The following MGAM2 variants were observed in gnomAD, a reference collection of about 807,000 sequenced individuals.
MGAM2 encodes maltase-glucoamylase 2 (putative), also known as probable maltase-glucoamylase 2.
In MGAM2, 98 loss-of-function variants were observed where a neutral mutation model predicts 96.1. That is an observed-to-expected ratio of 1.02 (90% CI 0.87 to 1.21). The LOEUF (loss-of-function observed/expected upper bound fraction) is 1.21. MGAM2 is among the 50% of genes most tolerant of loss of function. The probability of loss-of-function intolerance (pLI) is 0.00; values close to 1 mark genes in which losing one functional copy is unlikely to be tolerated. For missense variants in MGAM2, 2,055 were observed against 1,182.4 expected (o/e 1.74, Z -10.82); for synonymous variants, 749 against 414.8 (o/e 1.81, Z -9.79).
intron 40 of MGAM2, 117 bp from the exon 41 acceptor site, chr7:142,197,283 G>A: frequency 1.6e-6 from 1 of 619,450 alleles, no homozygotes; most frequent in Non-Finnish European, 2.9e-6. Flanking sequence ...GGCCAGGAAT[G>A]AAAGGGTAAG....
intron 15 of MGAM2, among the ~76,000 whole-genome samples, chr7:142,150,800 G>T (rs972555052): frequency 6.6e-6 from 1 of 152,030 alleles, no homozygotes; most frequent in African/African-American, 2.4e-5. Context: ...AACCTATAAG[G>T]TACTTTATAA....
At chr7:142,198,378 C>T (rs920579377) in intron 43 of MGAM2, among the ~76,000 whole-genome samples, 183 bp downstream of exon 43, 2 of 152,164 alleles carry the variant, frequency 1.3e-5, no homozygotes, top group East Asian at 1.9e-4. Context: ...ACCTACATCT[C>T]ATTGAAGCTC....
At chr7:142,212,190 C>T (rs183357122) in intron 46 of MGAM2, among the ~76,000 whole-genome samples, 1 of 152,296 alleles carries the variant, frequency 6.6e-6, no homozygotes, top group Admixed American at 6.5e-5. Flanking sequence ...CTTACAAGAG[C>T]TCCTGAAGGA....
At chr7:142,191,820 A>C in intron 37 of MGAM2, among the ~76,000 whole-genome samples, 1 of 152,158 alleles carries the variant, frequency 6.6e-6, no homozygotes, top group Non-Finnish European at 1.5e-5. Flanking sequence ...TACCATGTTA[A>C]CAATATTAAG....
intron 18 of MGAM2, 53 bp downstream of exon 18, chr7:142,158,144 T>C (rs1795790940): frequency 1.4e-6 from 1 of 699,962 alleles, no homozygotes; most frequent in Non-Finnish European, 2.6e-6. Context: ...TTCACTTGAC[T>C]TTGTTTGTGG....
Position 142,220,140 on chromosome 7 carries a change from G to C in MGAM2, c.5629G>C (p.Val1877Leu). The C allele has an allele frequency of 1.4e-6, 1 of 702,676 alleles. No individual in the cohort carries two copies. 43.5% of individuals were successfully genotyped at this position (702,676 alleles called of 1,614,324 possible). ...TACTAGTGTTACAACTAATACTACT[G>C]TTCCTGATACAACTTCTCCTTTCCC... ...STTSVTTNTTVPDTTSPFPTS... is the reference protein window; with the variant it reads ...STTSVTTNTTLPDTTSPFPTS... Residue 1877 changes from valine to leucine, a missense_variant, in exon 48 of 48, where the codon GTT becomes CTT. Transcript: ENST00000477922.
In MGAM2 at chr7:142,220,981, A is replaced by G; in HGVS notation, c.6470A>G (p.Asn2157Ser). ...TNTTNASTSTNVANITATSHT... is the reference protein window; with the variant it reads ...TNTTNASTSTSVANITATSHT... ...ACTACTAATGCTAGCACTAGTACTA[A>G]TGTTGCTAATATAACTGCTACCTCT... The change falls in exon 48 of 48, where the codon AAT becomes AGT. Residue 2157 changes from asparagine (N) to serine (S), a missense_variant. By Grantham distance (46) the Asn-to-Ser change is conservative. Transcript: ENST00000477922. The G allele has an allele frequency of 1.4e-6, 1 of 702,132 alleles. No homozygotes were observed. Among genetic ancestry groups the G allele is most frequent in the Non-Finnish European group, 2.6e-6 (1 of 384,706 alleles). The allele number at this position is 702,132 out of a possible 1,614,324, so 43.5% of individuals were successfully genotyped here. A position where few individuals can be genotyped will look rare whatever the true frequency, so the allele number is the denominator to read the frequency against.
chr7:142,152,343 A>G (rs1418793362), intron 15 of MGAM2, among the ~76,000 whole-genome samples: 2 of 152,228 alleles, frequency 1.3e-5, no homozygotes, highest in African/African-American at 4.8e-5. Flanking sequence ...ACCTGCAGCC[A>G]GTGGTAATAA....
At chr7:142,180,580 T>G (rs959496157) in intron 32 of MGAM2, among the ~76,000 whole-genome samples, 1 of 152,206 alleles carries the variant, frequency 6.6e-6, no homozygotes, top group African/African-American at 2.4e-5. Context: ...CATGTTGAAC[T>G]CTCTAGCAAG....
rs201509372 is a variant in MGAM2 at position 142,140,819 on chromosome 7, CAT to C, written c.1106_1107del (p.Ile369ArgfsTer12). ...EIPYDVQYSD[I>X]DYMDGKKDFT... ...TCTTTCAGGATGTCCAGTACTCTGA[CAT>C]AGACTACATGGATGGAAAGAAGGAT... On this transcript the variant is annotated frameshift_variant, in exon 11 of 48. Coordinates refer to ENST00000477922, the MANE Select transcript of MGAM2 (RefSeq NM_001293626.2). LOFTEE classifies it high-confidence loss of function. The C allele has an allele frequency of 1.4e-4, 99 of 702,770 alleles. 1 individual carries two copies. The East Asian group carries it at 2.7e-3, about 19-fold the overall frequency. The allele number at this position is 702,770 out of a possible 1,614,324, so 43.5% of individuals were successfully genotyped here.
intron 3 of MGAM2, among the ~76,000 whole-genome samples, chr7:142,124,957 A>G (rs960128852): frequency 6.6e-6 from 1 of 152,170 alleles, no homozygotes; most frequent in South Asian, 2.1e-4. Flanking sequence ...TTTTTCTGAC[A>G]TGATAATGTT....
intron 36 of MGAM2, among the ~76,000 whole-genome samples, chr7:142,188,504 T>C (rs1796772891): frequency 6.6e-6 from 1 of 152,152 alleles, no homozygotes; most frequent in Non-Finnish European, 1.5e-5. Flanking sequence ...ATTATACCAG[T>C]AATCTATGGG....
intron 7 of MGAM2, 111 bp from the exon 8 acceptor site, chr7:142,136,430 C>A (rs920800500): frequency 3.7e-5 from 17 of 464,378 alleles, no homozygotes; most frequent in African/African-American, 3.4e-4. Context: ...TGTTAAACTA[C>A]ATGAAGTGTT....
chr7:142,195,962 G>A (rs911339329), intron 37 of MGAM2, among the ~76,000 whole-genome samples, 192 bp from the exon 38 acceptor site: 1 of 152,096 alleles, frequency 6.6e-6, no homozygotes, highest in Non-Finnish European at 1.5e-5. Flanking sequence ...CATTCTACGT[G>A]CAGATATACC....
intron 27 of MGAM2, 149 bp downstream of exon 27, chr7:142,170,378 G>T: frequency 2.0e-6 from 1 of 504,322 alleles, no homozygotes; most frequent in Non-Finnish European, 3.5e-6. Context: ...ATGCTTTAAT[G>T]GATAATTTGT....
At chr7:142,161,805 A>T (rs1795895047) in intron 22 of MGAM2, 150 bp from the exon 23 acceptor site, 1 of 498,986 alleles carries the variant, frequency 2.0e-6, no homozygotes, top group Non-Finnish European at 3.5e-6. Context: ...GGTCCAGGAA[A>T]TATTTGCAGA....
At chr7:142,161,294 C>T in intron 22 of MGAM2, 81 bp downstream of exon 22, 1 of 669,604 alleles carries the variant, frequency 1.5e-6, no homozygotes, top group Non-Finnish European at 2.7e-6. Flanking sequence ...CCCAATATGG[C>T]ACTAACCCTA....
intron 26 of MGAM2, among the ~76,000 whole-genome samples, chr7:142,169,672 C>G (rs1295905816): frequency 1.3e-5 from 2 of 152,122 alleles, no homozygotes; most frequent in African/African-American, 4.8e-5. Context: ...GAGGAGATCT[C>G]AGAGTCCATA....
At chr7:142,182,919 T>A (rs1585195547) in intron 32 of MGAM2, among the ~76,000 whole-genome samples, 1 of 152,206 alleles carries the variant, frequency 6.6e-6, no homozygotes, top group Non-Finnish European at 1.5e-5. Context: ...TATTGTCCCC[T>A]TTCCTCTCAT....
Sources: allele counts gnomAD v4.1 joint callset (sites outside exome capture counted in the v4.1 genomes callset), GRCh38; gene constraint gnomAD v4.1.1; transcripts MANE v1.5; gene names NCBI Gene and HGNC (gene_info 2026-07-23, HGNC 2026-07-21).